The following VPS13B variants were observed in gnomAD, a reference collection of about 807,000 sequenced individuals.
VPS13B encodes the protein intermembrane lipid transfer protein VPS13B.
In VPS13B, 285 loss-of-function variants were observed where a neutral mutation model predicts 426.4. The observed-to-expected ratio is 0.67, with a 90% CI of 0.61 to 0.74. The LOEUF is 0.74. VPS13B is among the 30% of genes least tolerant of loss of function. VPS13B has a pLI of 0.00. For synonymous variants in VPS13B, 1,676 were observed against 1,676.4 expected, an observed-to-expected ratio of 1.00 and a Z score of 0.01; for missense variants, 4,537 against 4,782.6, an observed-to-expected ratio of 0.95 and a Z score of 1.51.
In VPS13B at chr8:99,848,776, G is replaced by A. The variant is rs116746734; in HGVS notation, c.9943G>A (p.Val3315Ile). The A allele has an allele frequency of 1.2e-3, 1,975 of 1,613,758 alleles. 24 individuals carry two copies. The African/African-American group carries it at 0.024, about 19-fold the overall frequency. ...CAGATTTTGAATATTCTTTCTGCAG[G>A]TTGTGTTCCTGACTGGCTTTGGCTA... ...AIDINSQGTQ[V>I]VFLTGFGYVY... is the part of the protein sequence containing the mutation. The change falls in exon 55 of 62, where the codon GTT (valine) becomes ATT (isoleucine). Residue 3315 changes from valine (V) to isoleucine (I), a missense_variant and splice_region_variant. Coordinates refer to ENST00000357162, the MANE Select transcript of VPS13B (RefSeq NM_152564.5).
At chr8:99,160,182 C>G (rs1402125545) in intron 15 of VPS13B, among the ~76,000 whole-genome samples, 1 of 152,156 alleles carries the variant, frequency 6.6e-6, no homozygotes, top group South Asian at 2.1e-4. Flanking sequence ...CTTTCCCCAG[C>G]TCTTTCAATT....
At position 99,550,382 on chromosome 8, in the gene VPS13B, G is replaced by A. The variant is rs1028284312; in HGVS notation, c.4746-6068G>A. ...TTAATAGAAATATCTTCTAGGGACA[G>A]TGACGACTAGGAGAGATTTTTTTTT... On this transcript the variant is annotated intron_variant, in intron 30 of 61. Transcript: ENST00000357162. Among the ~76,000 whole-genome samples the A allele has an allele frequency of 9.3e-4, 141 of 151,812 alleles. 2 individuals are homozygous for A. Among genetic ancestry groups the A allele is most frequent in the African/African-American group, 2.9e-3 (119 of 41,450 alleles).
intron 30 of VPS13B, chr8:99,536,639 A>T (rs1354105271): frequency 1.9e-6 from 1 of 534,306 alleles, no homozygotes; most frequent in East Asian, 5.5e-5. Context: ...ATTGACTGTC[A>T]TCCAAGTATG....
chr8:99,122,572 C>G (rs527673870), intron 8 of VPS13B, among the ~76,000 whole-genome samples: 1 of 152,014 alleles, frequency 6.6e-6, no homozygotes, highest in Non-Finnish European at 1.5e-5. Context: ...CACATATAAC[C>G]CAAACTTAAT....
chr8:99,312,609 C>T (rs1821056557), intron 19 of VPS13B, among the ~76,000 whole-genome samples: 1 of 152,136 alleles, frequency 6.6e-6, no homozygotes, highest in African/African-American at 2.4e-5. Flanking sequence ...ACATTTTTTC[C>T]TTCATTTCAA....
rs148112361 is a variant in VPS13B, at chr8:99,122,696, A to G, written c.1206+1251A>G. On this transcript the variant is annotated intron_variant, in intron 8 of 61. Transcript: ENST00000357162. ...TTTTCAATGCCAGCTGTGTCTAAGCATTGTTTTGTCTCCAGAGATACCAGA... is the reference window on the plus strand; with the variant it reads ...TTTTCAATGCCAGCTGTGTCTAAGCGTTGTTTTGTCTCCAGAGATACCAGA... 5.5e-3 allele frequency among the ~76,000 whole-genome samples: 839 copies of G among 152,306 alleles called. 9 individuals carry two copies. Among genetic ancestry groups the G allele is most frequent in the African/African-American group, 0.019 (807 of 41,562 alleles).
At chr8:99,756,391 C>T (rs1447546115) in intron 39 of VPS13B, among the ~76,000 whole-genome samples, 1 of 152,028 alleles carries the variant, frequency 6.6e-6, no homozygotes, top group South Asian at 2.1e-4. Context: ...CCAATATATG[C>T]ATAGGGGAAG....
chr8:99,553,686 G>A (rs1302698805), intron 30 of VPS13B, among the ~76,000 whole-genome samples: 1 of 152,000 alleles, frequency 6.6e-6, no homozygotes, highest in Non-Finnish European at 1.5e-5. Flanking sequence ...ACATAAATCA[G>A]CTGCTTATCC....
chr8:99,776,846 C>G lies in VPS13B; in HGVS notation c.7319C>G (p.Thr2440Ser). 6.2e-7 allele frequency: 1 copy of G among 1,614,078 alleles called. No homozygotes were observed. Among genetic ancestry groups the G allele is most frequent in the Non-Finnish European group, 8.5e-7 (1 of 1,179,968 alleles). The change falls in exon 41 of 62, where the codon ACC (threonine) becomes AGC (serine). Residue 2440 changes from threonine to serine, a missense_variant. Physicochemically the swap from Thr to Ser is moderately conservative, Grantham distance 58 (BLOSUM62 1). Around this residue, in one of 2 missense-constraint regions of VPS13B, gnomAD observed 4,311 missense variants for 4,474.3 expected, o/e 0.96. Coordinates refer to ENST00000357162, the MANE Select transcript of VPS13B (RefSeq NM_152564.5). ...ACTCCAACAGCCCTGGCTGCCTGTA[C>G]CAGAGTTGACTCCTGCTTTACCCCA... ...LVTPTALAAC[T>S]RVDSCFTPWF...
At chr8:99,569,664 A>G (rs1464590433) in intron 31 of VPS13B, among the ~76,000 whole-genome samples, 1 of 152,202 alleles carries the variant, frequency 6.6e-6, no homozygotes, top group Non-Finnish European at 1.5e-5. Flanking sequence ...GAAGAACCTT[A>G]GTGTAAATAT....
At chr8:99,549,439 G>A (rs1192632710) in intron 30 of VPS13B, among the ~76,000 whole-genome samples, 1 of 151,990 alleles carries the variant, frequency 6.6e-6, no homozygotes, top group Admixed American at 6.6e-5. Flanking sequence ...TTTCAAAGTA[G>A]GGTTTTTTTT....
chr8:99,469,063 T>C (rs993246413), intron 24 of VPS13B, among the ~76,000 whole-genome samples: 4 of 152,136 alleles, frequency 2.6e-5, no homozygotes, highest in Admixed American at 2.0e-4. Context: ...AAAATGCATT[T>C]AATTGGAATT....
In VPS13B at chr8:99,835,009, A is replaced by G. The variant is rs371054094; in HGVS notation, c.9615-188A>G. Among the ~76,000 whole-genome samples, 6 of 152,224 alleles carry G rather than the reference A, an allele frequency of 3.9e-5. No individual in the cohort carries two copies. In the South Asian group the frequency reaches 1.2e-3, roughly 32 times the overall value. ...TGATAGAATTATTTTGTTTGCCTTTAAATATTTTTTCACATTTTATGAATA... is the reference window on the plus strand; with the variant it reads ...TGATAGAATTATTTTGTTTGCCTTTGAATATTTTTTCACATTTTATGAATA... On this transcript the variant is annotated intron_variant, in intron 52 of 61. Transcript: ENST00000357162.
rs758430817 is a variant in VPS13B, at chr8:99,809,398, T to C, written c.7965T>C (p.Gly2655=). ...SPQLLHICIE[G]WGNWRWSEPF... is the part of the protein sequence containing the mutation. ...AGCTGTTACACATCTGTATTGAAGGTTGGGGCAACTGGCGTTGGTCAGAGC... is the reference window on the plus strand; with the variant it reads ...AGCTGTTACACATCTGTATTGAAGGCTGGGGCAACTGGCGTTGGTCAGAGC... Residue 2655 remains glycine, a synonymous_variant, in exon 44 of 62, where the codon GGT becomes GGC. Coordinates refer to ENST00000357162, the MANE Select transcript of VPS13B (RefSeq NM_152564.5). 1.8e-5 allele frequency: 29 copies of C among 1,613,844 alleles called. No homozygotes were observed. Among genetic ancestry groups the C allele is most frequent in the Admixed American group, 1.3e-4 (8 of 59,982 alleles).
intron 21 of VPS13B, among the ~76,000 whole-genome samples, chr8:99,407,270 C>T (rs1466291024): frequency 6.6e-6 from 1 of 151,778 alleles, no homozygotes. Flanking sequence ...TTTTTCTTAC[C>T]CTTTAAAAAA....
chr8:99,301,538 CCT>C (rs1298308763), intron 19 of VPS13B, among the ~76,000 whole-genome samples: 1 of 151,996 alleles, frequency 6.6e-6, no homozygotes, highest in Non-Finnish European at 1.5e-5. Context: ...GATCTGCCTG[CCT>C]CGGCCTCCCA....
At chr8:99,720,580 G>C (rs774292692) in intron 38 of VPS13B, 28 bp downstream of exon 38, 7 of 1,599,888 alleles carry the variant, frequency 4.4e-6, no homozygotes, top group Non-Finnish European at 6.0e-6. Flanking sequence ...CAGTATGAGA[G>C]TGTCTCTGTG....
chr8:99,761,447 C>T (rs977516052), intron 39 of VPS13B, among the ~76,000 whole-genome samples: 2 of 152,194 alleles, frequency 1.3e-5, no homozygotes, highest in African/African-American at 2.4e-5. Context: ...TAATGGCTTC[C>T]CACAGCAGTT....
At chr8:99,554,016 C>T (rs560633324) in intron 30 of VPS13B, among the ~76,000 whole-genome samples, 4 of 151,666 alleles carry the variant, frequency 2.6e-5, no homozygotes, top group African/African-American at 4.8e-5. Flanking sequence ...AGAAACATAG[C>T]TTAATTTAAG....
Sources: allele counts gnomAD v4.1 joint callset (sites outside exome capture counted in the v4.1 genomes callset), GRCh38; gene constraint gnomAD v4.1.1; regional missense constraint gnomAD v4.1.1; transcripts MANE v1.5; gene names NCBI Gene and HGNC (gene_info 2026-07-23, HGNC 2026-07-21).